Variants in ZDHHC17 observed in about 807,000 individuals in gnomAD.
ZDHHC17 encodes palmitoyltransferase ZDHHC17.
ZDHHC17 carries 40 observed loss-of-function variants against 90.3 expected under a neutral mutation model. That is an observed-to-expected ratio of 0.44 (90% CI 0.34 to 0.58). The LOEUF (loss-of-function observed/expected upper bound fraction) is 0.58, where lower values mean the gene tolerates loss of function less well. Ranked by LOEUF, ZDHHC17 falls within the 20% of genes least tolerant of loss-of-function variation. The probability of loss-of-function intolerance (pLI) is 0.01; values close to 1 mark genes in which losing one functional copy is unlikely to be tolerated. For synonymous variants in ZDHHC17, 235 were observed against 252.4 expected (o/e 0.93, Z 0.65); for missense variants, 614 against 780.8 (o/e 0.79, Z 2.55).
intron 1 of ZDHHC17, among the ~76,000 whole-genome samples, chr12:76,791,996 A>G (rs920013331): frequency 6.6e-6 from 1 of 152,140 alleles, no homozygotes; most frequent in African/African-American, 2.4e-5. Flanking sequence ...TCAGAACCTT[A>G]ATGTCTCCAC....
At chr12:76,793,699 T>G (rs1341846716) in intron 1 of ZDHHC17, among the ~76,000 whole-genome samples, 1 of 152,194 alleles carries the variant, frequency 6.6e-6, no homozygotes, top group Non-Finnish European at 1.5e-5. Context: ...AGTGGCGGAC[T>G]TTTATTCATT....
intron 3 of ZDHHC17, among the ~76,000 whole-genome samples, chr12:76,808,495 ATAT>A (rs1186723760): frequency 6.6e-6 from 1 of 152,134 alleles, no homozygotes; most frequent in Non-Finnish European, 1.5e-5. Flanking sequence ...TCAAAAAAAG[ATAT>A]TATGATGTTA....
intron 10 of ZDHHC17, among the ~76,000 whole-genome samples, chr12:76,837,658 A>G (rs542515098): frequency 6.6e-6 from 1 of 152,324 alleles, no homozygotes; most frequent in Non-Finnish European, 1.5e-5. Context: ...TGTATACTAT[A>G]TGTAATTTAT....
intron 1 of ZDHHC17, among the ~76,000 whole-genome samples, chr12:76,790,396 G>A (rs1952746546): frequency 6.6e-6 from 1 of 152,072 alleles, no homozygotes; most frequent in African/African-American, 2.4e-5. Flanking sequence ...CAGCTACCCT[G>A]GAGACTGAGG....
chr12:76,783,486 A>G (rs989557481), intron 1 of ZDHHC17, among the ~76,000 whole-genome samples: 1 of 152,226 alleles, frequency 6.6e-6, no homozygotes, highest in Admixed American at 6.5e-5. Flanking sequence ...CATGAGAACA[A>G]CATGGTGGAA....
intron 1 of ZDHHC17, among the ~76,000 whole-genome samples, chr12:76,768,322 G>A (rs1952454338): frequency 6.6e-6 from 1 of 152,168 alleles, no homozygotes; most frequent in Non-Finnish European, 1.5e-5. Flanking sequence ...TCTCAGTTTT[G>A]TTGCTTTTAA....
At chr12:76,817,322 A>G (rs1317015053) in intron 7 of ZDHHC17, among the ~76,000 whole-genome samples, 4 of 152,104 alleles carry the variant, frequency 2.6e-5, no homozygotes, top group African/African-American at 9.7e-5. Context: ...ATGTTTTTTT[A>G]TCTGAATTCA....
chr12:76,789,940 A>T (rs1016963154), intron 1 of ZDHHC17, among the ~76,000 whole-genome samples: 1 of 152,156 alleles, frequency 6.6e-6, no homozygotes, highest in Non-Finnish European at 1.5e-5. Flanking sequence ...AGTATCCTGG[A>T]TGGGATCCTG....
intron 3 of ZDHHC17, among the ~76,000 whole-genome samples, chr12:76,807,208 C>T (rs984971520): frequency 2.0e-5 from 3 of 152,288 alleles, no homozygotes; most frequent in Non-Finnish European, 1.5e-5. Context: ...AGAAAGCGTT[C>T]GAGCACTGTC....
intron 1 of ZDHHC17, among the ~76,000 whole-genome samples, chr12:76,772,427 A>G (rs1367842879): frequency 2.6e-5 from 4 of 152,036 alleles, no homozygotes; most frequent in Admixed American, 6.6e-5. Flanking sequence ...AGCGTGGTAC[A>G]CTTGTTATGG....
At chr12:76,769,194 G>C (rs1056982198) in intron 1 of ZDHHC17, 1 of 216,018 alleles carries the variant, frequency 4.6e-6, no homozygotes, top group Non-Finnish European at 9.8e-6. Flanking sequence ...GAGTAGCTGG[G>C]ATTACAGGTG....
intron 7 of ZDHHC17, among the ~76,000 whole-genome samples, chr12:76,819,830 C>G (rs1278142615): frequency 6.6e-6 from 1 of 151,852 alleles, no homozygotes; most frequent in African/African-American, 2.4e-5. Flanking sequence ...CCTGTCTCTA[C>G]TAAAAATACA....
rs574940885 is a variant in ZDHHC17 at position 76,788,502 on chromosome 12, A to G, written c.94-8932A>G. Among the ~76,000 whole-genome samples the G allele has an allele frequency of 2.1e-4, 32 of 152,312 alleles. No homozygotes were observed. In the South Asian group the frequency reaches 4.8e-3, roughly 23 times the overall value. ...TCTCTGAATTATATTGAAAGCATAA[A>G]TGAACAGTTCTAAACATGGAAGTCT... On this transcript the variant is annotated intron_variant, in intron 1 of 16. Transcript: ENST00000426126.
At chr12:76,819,405 C>T (rs1184810329) in intron 7 of ZDHHC17, among the ~76,000 whole-genome samples, 3 of 152,040 alleles carry the variant, frequency 2.0e-5, no homozygotes, top group Non-Finnish European at 4.4e-5. Flanking sequence ...AAGAAAGAAT[C>T]TTGTTGATAA....
At chr12:76,786,100 T>A (rs1171106804) in intron 1 of ZDHHC17, among the ~76,000 whole-genome samples, 2 of 147,864 alleles carry the variant, frequency 1.4e-5, no homozygotes, top group Non-Finnish European at 3.0e-5. Flanking sequence ...ATTAGTTTTC[T>A]TTTTCTTTCT....
At chr12:76,790,188 A>G (rs1952743510) in intron 1 of ZDHHC17, among the ~76,000 whole-genome samples, 1 of 152,058 alleles carries the variant, frequency 6.6e-6, no homozygotes, top group Admixed American at 6.6e-5. Context: ...AGAGAAACAT[A>G]TGCATATAGG....
At position 76,842,477 on chromosome 12, in the gene ZDHHC17, A is replaced by G. The variant is rs182144911; in HGVS notation, c.1266+371A>G. Among the ~76,000 whole-genome samples the G allele has an allele frequency of 3.9e-4, 60 of 152,340 alleles. 1 individual carries two copies. Among genetic ancestry groups the G allele is most frequent in the Admixed American group, 3.1e-3 (47 of 15,294 alleles). On this transcript the variant is annotated intron_variant, in intron 11 of 16. Coordinates refer to ENST00000426126, the MANE Select transcript of ZDHHC17 (RefSeq NM_015336.4). ...AATTGGTTGATAGTGCAGGTACACCATCCCAGTAGCTAAAATATTTGTATA... is the reference window on the plus strand; with the variant it reads ...AATTGGTTGATAGTGCAGGTACACCGTCCCAGTAGCTAAAATATTTGTATA...
At position 76,852,787 on chromosome 12, in the gene ZDHHC17, G is replaced by A. The variant is rs1214711559; in HGVS notation, c.*1802G>A. 1 of 152,568 alleles carries A rather than the reference G, an allele frequency of 6.6e-6. No individual in the cohort carries two copies. The highest frequency in any genetic ancestry group is 1.5e-5 in the Non-Finnish European group (1 of 68,028). The allele number at this position is 152,568 out of a possible 1,614,324, so 9.5% of individuals were successfully genotyped here. A position where few individuals can be genotyped will look rare whatever the true frequency, so the allele number is the denominator to read the frequency against. ...GGCATATGTACTTTATTTTTGAAAA[G>A]GGAAGAGATGGGTGTGGGGTGGCAA... is the stretch of plus-strand genomic sequence containing the variant. On this transcript the variant is annotated 3_prime_UTR_variant, in exon 17 of 17. Transcript: ENST00000426126.
chr12:76,844,105 A>G (rs538378958), intron 12 of ZDHHC17: 2 of 152,332 alleles, frequency 1.3e-5, no homozygotes, highest in Admixed American at 6.5e-5. Flanking sequence ...GTGGAAATAT[A>G]CTGTTCCACA....
Sources: allele counts gnomAD v4.1 joint callset (sites outside exome capture counted in the v4.1 genomes callset), GRCh38; gene constraint gnomAD v4.1.1; transcripts MANE v1.5; gene names NCBI Gene and HGNC (gene_info 2026-07-23, HGNC 2026-07-21).